The following TENM3 variants were observed in gnomAD, a reference collection of about 807,000 sequenced individuals.
TENM3 encodes teneurin-3.
Under a neutral mutation model 255.1 loss-of-function variants are expected in TENM3, and 63 were observed. The ratio of observed to expected loss-of-function variants is 0.25; its 90% CI spans 0.20 to 0.30. The LOEUF (loss-of-function observed/expected upper bound fraction) is 0.30, where lower values mean the gene tolerates loss of function less well. Among genes scored for constraint, TENM3 ranks in the 10% least tolerant of loss-of-function variants. TENM3 has a pLI of 1.00. For synonymous variants in TENM3, 1,306 were observed against 1,322.3 expected, an observed-to-expected ratio of 0.99 and a Z score of 0.27; for missense variants, 2,929 against 3,461.1, an observed-to-expected ratio of 0.85 and a Z score of 3.86.
chr4:181,662,222 A>G, the TENM3 span, among the ~76,000 whole-genome samples: 1 of 152,202 alleles, frequency 6.6e-6, no homozygotes, highest in Admixed American at 6.5e-5. Flanking sequence ...GAATAATTGT[A>G]CTTCAGATCT....
the TENM3 span, among the ~76,000 whole-genome samples, chr4:181,865,610 G>A: frequency 2.7e-4 from 41 of 152,332 alleles, 1 homozygote; most frequent in South Asian, 5.4e-3. Flanking sequence ...CACTTTCGTC[G>A]TTGACAACAT....
chr4:182,075,277 C>T, the TENM3 span, among the ~76,000 whole-genome samples: 5 of 148,962 alleles, frequency 3.4e-5, no homozygotes, highest in Admixed American at 6.7e-5. Context: ...CCGCTCACTG[C>T]AACCTCTGCC....
the TENM3 span, among the ~76,000 whole-genome samples, chr4:181,655,209 C>T: frequency 2.6e-5 from 4 of 152,066 alleles, no homozygotes; most frequent in Admixed American, 6.5e-5. Context: ...TCAGAGGGAC[C>T]TTAAAAATAA....
At position 182,792,351 on chromosome 4, in the gene TENM3, C is replaced by T. The variant is rs1314457261; in HGVS notation, c.5679C>T (p.Thr1893=). Reference sequence around the variant, plus strand: ...TGTGGGACCGCCTGTCTGCCATCACCATGCCCAGTGTGGCTCGCCACACCA... The same window carrying T: ...TGTGGGACCGCCTGTCTGCCATCACTATGCCCAGTGTGGCTCGCCACACCA... ...YDMWDRLSAI[T]MPSVARHTMQ... Residue 1893 remains threonine (T), a synonymous_variant, in exon 26 of 28, where the codon ACC becomes ACT. Transcript: ENST00000511685. This position sits in a 1 kb window ranked among gnomAD's most constrained non-coding sequence, Gnocchi z 6.3. 6.2e-7 allele frequency: 1 copy of T among 1,613,904 alleles called. No homozygotes were observed. Among genetic ancestry groups the T allele is most frequent in the Non-Finnish European group, 8.5e-7 (1 of 1,179,902 alleles).
the TENM3 span, among the ~76,000 whole-genome samples, chr4:181,506,381 C>T: frequency 1.1e-4 from 17 of 150,860 alleles, no homozygotes; most frequent in Admixed American, 9.3e-4. Context: ...AAATCCAGGA[C>T]GGAATGTTCA....
the TENM3 span, among the ~76,000 whole-genome samples, chr4:181,626,812 T>A: frequency 6.6e-6 from 1 of 152,212 alleles, no homozygotes; most frequent in African/African-American, 2.4e-5. Context: ...GGAAAAGATT[T>A]GAACGAGAAA....
intron 5 of TENM3, among the ~76,000 whole-genome samples, chr4:182,648,572 A>T (rs962995313): frequency 6.6e-6 from 1 of 152,132 alleles, no homozygotes; most frequent in African/African-American, 2.4e-5. Flanking sequence ...GAGGTGAGCC[A>T]CTGCGCCCTG....
At chr4:181,915,707 A>C in the TENM3 span, among the ~76,000 whole-genome samples, 1 of 149,746 alleles carries the variant, frequency 6.7e-6, no homozygotes, top group East Asian at 2.1e-4. Flanking sequence ...GGAGGAGAGA[A>C]AAGAGGAGGG....
chr4:181,959,476 G>A, the TENM3 span, among the ~76,000 whole-genome samples: 1 of 152,106 alleles, frequency 6.6e-6, no homozygotes, highest in Non-Finnish European at 1.5e-5. Flanking sequence ...AAAAGAGTAG[G>A]GAGGAAGAGA....
the TENM3 span, among the ~76,000 whole-genome samples, chr4:181,974,918 T>A: frequency 6.6e-6 from 1 of 152,116 alleles, no homozygotes; most frequent in African/African-American, 2.4e-5. Context: ...GATAGGTAAT[T>A]TTTCAAACCT....
intron 12 of TENM3, among the ~76,000 whole-genome samples, chr4:182,689,767 G>T (rs1343932283): frequency 6.6e-6 from 1 of 152,216 alleles, no homozygotes; most frequent in African/African-American, 2.4e-5. Context: ...CAAACCTGAG[G>T]CCTGTGGGCC....
intron 1 of TENM3, among the ~76,000 whole-genome samples, chr4:182,181,094 G>A (rs538114293): frequency 6.6e-6 from 1 of 151,952 alleles, no homozygotes; most frequent in Non-Finnish European, 1.5e-5. Context: ...AGCCTGCTTT[G>A]TGGTGTTAAA....
At chr4:181,992,716 G>A in the TENM3 span, among the ~76,000 whole-genome samples, 14 of 152,054 alleles carry the variant, frequency 9.2e-5, no homozygotes, top group Middle Eastern at 3.4e-3. Context: ...TCAAATGTGC[G>A]GTAATCACGA....
At chr4:182,265,528 T>G (rs552404349) in intron 1 of TENM3, among the ~76,000 whole-genome samples, 4 of 152,182 alleles carry the variant, frequency 2.6e-5, no homozygotes, top group Non-Finnish European at 4.4e-5. Context: ...AACAGCACCC[T>G]TAATTTTGGG....
the TENM3 span, among the ~76,000 whole-genome samples, chr4:182,072,883 A>C: frequency 6.6e-6 from 1 of 152,176 alleles, no homozygotes; most frequent in Non-Finnish European, 1.5e-5. Context: ...CCAACATGAC[A>C]GTATTTGGAA....
chr4:181,608,414 T>G, the TENM3 span, among the ~76,000 whole-genome samples: 7 of 152,152 alleles, frequency 4.6e-5, no homozygotes, highest in African/African-American at 1.7e-4. Flanking sequence ...TGCTTTTGTG[T>G]TCATTGATGT....
chr4:181,654,474 C>T, the TENM3 span, among the ~76,000 whole-genome samples: 1 of 152,070 alleles, frequency 6.6e-6, no homozygotes, highest in African/African-American at 2.4e-5. Context: ...ACCAATTCTT[C>T]TCAAAGAGTG....
At chr4:182,152,570 C>T (rs982643423) in intron 1 of TENM3, among the ~76,000 whole-genome samples, 41 of 151,776 alleles carry the variant, frequency 2.7e-4, no homozygotes, top group Non-Finnish European at 4.4e-5. Context: ...AATATACAAT[C>T]TCTGAATGAA....
At chr4:181,842,541 T>G in the TENM3 span, among the ~76,000 whole-genome samples, 3 of 152,214 alleles carry the variant, frequency 2.0e-5, no homozygotes, top group African/African-American at 7.2e-5. Context: ...TGCAACTCCC[T>G]TTTCGCTGTT....
Sources: gnomAD v4.1 joint callset for allele counts (sites outside exome capture counted in the v4.1 genomes callset) on GRCh38, gnomAD v4.1.1 for gene constraint, Gnocchi (gnomAD v3.1) non-coding constraint, MANE v1.5 for transcripts, NCBI Gene and HGNC (gene_info 2026-07-23, HGNC 2026-07-21) for gene names.